Variants in DGKH observed in about 807,000 individuals in gnomAD.
DGKH encodes the protein DAG kinase eta.
Under a neutral mutation model 159.3 loss-of-function variants are expected in DGKH, and 90 were observed. The observed-to-expected ratio is 0.57, with a 90% CI of 0.48 to 0.67. The LOEUF (loss-of-function observed/expected upper bound fraction) is 0.67, where lower values mean the gene tolerates loss of function less well. DGKH is among the 30% of genes least tolerant of loss of function. DGKH has a pLI of 0.00. For synonymous variants in DGKH, 536 were observed against 553.8 expected, an observed-to-expected ratio of 0.97 and a Z score of 0.45; for missense variants, 1,181 against 1,506.1, an observed-to-expected ratio of 0.78 and a Z score of 3.57.
At chr13:42,104,325 G>A (rs553095988) in intron 1 of DGKH, among the ~76,000 whole-genome samples, 1 of 152,300 alleles carries the variant, frequency 6.6e-6, no homozygotes, top group African/African-American at 2.4e-5. Context: ...CCACTTCCAG[G>A]TTCCAGCTAG....
chr13:42,151,576 TATAC>T (rs1340860953), intron 3 of DGKH, among the ~76,000 whole-genome samples: 2 of 47,142 alleles, frequency 4.2e-5, no homozygotes, highest in East Asian at 2.5e-3. Context: ...CACTTATATG[TATAC>T]ACACACACAC....
At chr13:42,106,248 T>G (rs1954753039) in intron 1 of DGKH, among the ~76,000 whole-genome samples, 1 of 152,170 alleles carries the variant, frequency 6.6e-6, no homozygotes, top group Non-Finnish European at 1.5e-5. Flanking sequence ...CCTCAGGTGA[T>G]TCACCCACCT....
chr13:42,082,972 A>G (rs910251679), intron 1 of DGKH, among the ~76,000 whole-genome samples: 2 of 152,176 alleles, frequency 1.3e-5, no homozygotes, highest in Non-Finnish European at 2.9e-5. Flanking sequence ...GAAAGCTAAT[A>G]AGGTTTATGC....
intron 3 of DGKH, among the ~76,000 whole-genome samples, chr13:42,133,161 A>G (rs1461360456): frequency 7.4e-6 from 1 of 135,310 alleles, no homozygotes; most frequent in Non-Finnish European, 1.6e-5. Flanking sequence ...ACAGAGCAAG[A>G]CTTTGTCTCA....
chr13:42,256,244 A>C, intron 30 of DGKH: 4 of 1,565,688 alleles, frequency 2.6e-6, no homozygotes, highest in Non-Finnish European at 3.5e-6. Context: ...GATGATTAAA[A>C]ATGTGTTACA....
intron 27 of DGKH, 116 bp from the exon 28 acceptor site, chr13:42,219,570 C>T (rs1957912695): frequency 2.5e-6 from 3 of 1,206,684 alleles, no homozygotes; most frequent in South Asian, 3.2e-5. Flanking sequence ...AAGAAGTTAT[C>T]ACTGTTCTAT....
intron 1 of DGKH, among the ~76,000 whole-genome samples, chr13:42,095,218 A>G (rs1182960): frequency 0.26 from 34,220 of 133,834 alleles, 4,600 homozygotes; most frequent in African/African-American, 0.39. Flanking sequence ...GCTGGAGTGC[A>G]GTGGTGCGAT....
Position 42,208,974 on chromosome 13 carries a change from T to G in DGKH, c.2617T>G (p.Ser873Ala). 1 of 1,611,772 alleles carries G rather than the reference T, an allele frequency of 6.2e-7. No individual in the cohort carries two copies. Among genetic ancestry groups the G allele is most frequent in the Non-Finnish European group, 8.5e-7 (1 of 1,178,920 alleles). Residue 873 changes from serine (S) to alanine (A), a missense_variant, in exon 22 of 30, where the codon TCC becomes GCC. Physicochemically the swap from Ser to Ala is moderately conservative, Grantham distance 99. Transcript: ENST00000337343. ...TTTCTTTCAGATATTTGCTGCACCA[T>G]CCTTTGATGACAAGATCCTGGAAGT... ...TKEDDIFAAP[S>A]FDDKILEVVA... is the part of the protein sequence containing the mutation.
chr13:42,173,062 C>T (rs1474672411), intron 11 of DGKH, among the ~76,000 whole-genome samples: 3 of 152,150 alleles, frequency 2.0e-5, no homozygotes, highest in African/African-American at 7.2e-5. Flanking sequence ...ACCTCCACCT[C>T]CCAGGCTCAA....
At position 42,159,265 on chromosome 13, in the gene DGKH, G is replaced by GT; in HGVS notation, c.623dup (p.Cys209ValfsTer2). 1.9e-5 allele frequency: 2 copies of GT among 107,400 alleles called. No homozygotes were observed. Among genetic ancestry groups the GT allele is most frequent in the Non-Finnish European group, 1.5e-5 (1 of 66,480 alleles). The allele number at this position is 107,400 out of a possible 1,614,324, so 6.7% of individuals were successfully genotyped here. On this transcript the variant is annotated frameshift_variant and splice_region_variant. Coordinates refer to ENST00000337343, the MANE Select transcript of DGKH (RefSeq NM_178009.5). LOFTEE classifies it high-confidence loss of function. ...TGCTCTTTTTTTTTTTTTTTTTTTA[G>GT]TGTGTAAATTCAAGGCTCACAAAAG...
intron 1 of DGKH, among the ~76,000 whole-genome samples, chr13:42,061,971 TGGA>T (rs1882202780): frequency 1.0e-5 from 1 of 97,928 alleles, no homozygotes; most frequent in South Asian, 4.6e-4. Flanking sequence ...GGGAGAAAGA[TGGA>T]GAGTGTGTGT....
In DGKH at chr13:42,048,860, T is replaced by G. The variant is rs775664686; in HGVS notation, c.87T>G (p.Ala29=). 1 of 1,373,688 alleles carries G rather than the reference T, an allele frequency of 7.3e-7. No individual in the cohort carries two copies. Among genetic ancestry groups the G allele is most frequent in the Admixed American group, 3.2e-5 (1 of 31,002 alleles). The allele number at this position is 1,373,688 out of a possible 1,614,324, so 85.1% of individuals were successfully genotyped here. ...CCGGCGCCGCGGTCACCTCCGCCGC[T>G]GCCTCGGCGGGGCCGGGAGAGGATT... ...AGAGAAVTSA[A]ASAGPGEDSS... is the part of the protein sequence containing the mutation. The change falls in exon 1 of 30, where the codon GCT becomes GCG. Residue 29 remains alanine (A), a synonymous_variant. Transcript: ENST00000337343. This position sits in a 1 kb window ranked among gnomAD's most constrained non-coding sequence, Gnocchi z 6.7.
intron 3 of DGKH, among the ~76,000 whole-genome samples, chr13:42,133,832 C>G (rs1441516656): frequency 2.0e-5 from 3 of 152,148 alleles, no homozygotes; most frequent in African/African-American, 7.2e-5. Flanking sequence ...TAAAATGGAG[C>G]AAGAGACATG....
chr13:42,205,265 T>G (rs778221066), intron 20 of DGKH, among the ~76,000 whole-genome samples: 6 of 152,160 alleles, frequency 3.9e-5, no homozygotes, highest in Non-Finnish European at 8.8e-5. Context: ...TCATTTTTCT[T>G]GAGTAATTTT....
At position 42,054,424 on chromosome 13, in the gene DGKH, A is replaced by T. The variant is rs139899769; in HGVS notation, c.192+5459A>T. On this transcript the variant is annotated intron_variant, in intron 1 of 29. Coordinates refer to ENST00000337343, the MANE Select transcript of DGKH (RefSeq NM_178009.5). ...AGCAAGTAGGAACTTTTACATTTTG[A>T]TAGGTGATGAGCAGAAAGATATCTC... 7.6e-3 allele frequency among the ~76,000 whole-genome samples: 1,154 copies of T among 152,318 alleles called. 51 individuals are homozygous for T. Among genetic ancestry groups the T allele is most frequent in the Admixed American group, 0.069 (1,057 of 15,300 alleles).
chr13:42,206,029 T>C lies in DGKH; in HGVS notation c.2494-10T>C, dbSNP rs575480012. The C allele has an allele frequency of 7.8e-7, 1 of 1,283,706 alleles. No individual in the cohort carries two copies. Among genetic ancestry groups the C allele is most frequent in the Non-Finnish European group, 1.0e-6 (1 of 989,398 alleles). The allele number at this position is 1,283,706 out of a possible 1,614,324, so 79.5% of individuals were successfully genotyped here. On this transcript the variant is annotated splice_polypyrimidine_tract_variant and intron_variant, in intron 20 of 29. Coordinates refer to ENST00000337343, the MANE Select transcript of DGKH (RefSeq NM_178009.5). ...AATCTCTACTTTTTTTTTTTTTTTT[T>C]ACCTTACAGTGTGATGGGCAGTATA...
Position 42,236,333 on chromosome 13 carries a change from A to C in DGKH, c.*7145A>C, listed in dbSNP as rs189431386. On this transcript the variant is annotated 3_prime_UTR_variant, in exon 30 of 30. Coordinates refer to ENST00000337343, the MANE Select transcript of DGKH (RefSeq NM_178009.5). ...CTCATTTCTGTCAAACAGATGCCCA[A>C]CTATTTTCCTTTTAAAAAACTGTAT... is the stretch of plus-strand genomic sequence containing the variant. 1.3e-5 allele frequency: 2 copies of C among 152,334 alleles called. No individual in the cohort carries two copies. The highest frequency in any genetic ancestry group is 2.9e-5 in the Non-Finnish European group (2 of 68,022). The allele number at this position is 152,334 out of a possible 1,614,324, so 9.4% of individuals were successfully genotyped here. A position where few individuals can be genotyped will look rare whatever the true frequency, so the allele number is the denominator to read the frequency against.
chr13:42,108,355 G>A (rs1456754986), intron 1 of DGKH, among the ~76,000 whole-genome samples: 7 of 152,196 alleles, frequency 4.6e-5, no homozygotes, highest in African/African-American at 1.7e-4. Flanking sequence ...TAGGTTGGGA[G>A]TTCTGGGGTT....
intron 1 of DGKH, among the ~76,000 whole-genome samples, chr13:42,072,575 G>T (rs917156690): frequency 6.6e-6 from 1 of 152,150 alleles, no homozygotes; most frequent in Non-Finnish European, 1.5e-5. Context: ...AAGAAATACA[G>T]ATCTGCCCAC....
Sources: gnomAD v4.1 joint callset for allele counts (sites outside exome capture counted in the v4.1 genomes callset) on GRCh38, gnomAD v4.1.1 for gene constraint, Gnocchi (gnomAD v3.1) non-coding constraint, MANE v1.5 for transcripts, NCBI Gene and HGNC (gene_info 2026-07-23, HGNC 2026-07-21) for gene names.